The following KIF15 variants were observed in gnomAD, a reference collection of about 807,000 sequenced individuals.
KIF15 encodes the protein kinesin-like protein KIF15.
A neutral mutation model predicts 190.6 loss-of-function variants in KIF15; 140 were observed. That is an observed-to-expected ratio of 0.73 (90% CI 0.64 to 0.84). KIF15 has a LOEUF of 0.84. KIF15 is among the 40% of genes least tolerant of loss of function. The pLI, the probability that KIF15 is intolerant of heterozygous loss-of-function variation, is 0.00. For synonymous variants in KIF15, 528 were observed against 551.3 expected, an observed-to-expected ratio of 0.96 and a Z score of 0.59; for missense variants, 1,372 against 1,584.4, an observed-to-expected ratio of 0.87 and a Z score of 2.28.
chr3:44,865,924 C>T (rs1699316923), intron 6 of KIF15, among the ~76,000 whole-genome samples: 2 of 152,152 alleles, frequency 1.3e-5, no homozygotes, highest in Non-Finnish European at 2.9e-5. Flanking sequence ...CTTTGGAGAC[C>T]TTGTTTTACT....
At chr3:44,852,404 AAATTAAAACTT>A (rs1332819833) in intron 34 of KIF15, 65 bp downstream of exon 34, 146 of 1,458,604 alleles carry the variant, frequency 1.0e-4, no homozygotes, top group Non-Finnish European at 1.3e-4. Context: ...TATTGAAACC[AAATTAAAACTT>A]AATTATTGAA....
chr3:44,792,300 AC>A (rs1295044930), intron 7 of KIF15, among the ~76,000 whole-genome samples: 1 of 151,508 alleles, frequency 6.6e-6, no homozygotes, highest in African/African-American at 2.4e-5. Context: ...ACATGATGAA[AC>A]CCTGTCTCTA....
intron 7 of KIF15, among the ~76,000 whole-genome samples, chr3:44,788,280 T>G (rs1706508279): frequency 1.3e-5 from 2 of 152,246 alleles, no homozygotes; most frequent in South Asian, 4.1e-4. Context: ...TAAAGTTTTG[T>G]TTGATGCTTT....
intron 14 of KIF15, among the ~76,000 whole-genome samples, 181 bp from the exon 15 acceptor site, chr3:44,804,846 C>A (rs1707419301): frequency 6.6e-6 from 1 of 152,136 alleles, no homozygotes; most frequent in Non-Finnish European, 1.5e-5. Flanking sequence ...TGGTGGCATG[C>A]ACCTGTAGTC....
At chr3:44,836,703 G>T (rs949648865) in intron 26 of KIF15, among the ~76,000 whole-genome samples, 3 of 152,200 alleles carry the variant, frequency 2.0e-5, no homozygotes, top group Non-Finnish European at 2.9e-5. Flanking sequence ...TTCAGCCTAG[G>T]TCTGGTTGCT....
At chr3:44,854,623 A>T (rs1699165660), downstream of KIF15, among the ~76,000 whole-genome samples, 1 of 152,236 alleles carries the variant, frequency 6.6e-6, no homozygotes, top group Admixed American at 6.5e-5. Flanking sequence ...GATCACCTGT[A>T]TCAGCTGTAG....
chr3:44,772,620 G>C (rs4522810), intron 1 of KIF15, among the ~76,000 whole-genome samples: 1,657 of 152,218 alleles, frequency 0.011, 28 homozygotes, highest in African/African-American at 0.037. Context: ...CTTATTACCC[G>C]ACATTAGCCA....
intron 6 of KIF15, among the ~76,000 whole-genome samples, chr3:44,861,685 G>A (rs1174289233): frequency 6.6e-6 from 1 of 152,260 alleles, no homozygotes; most frequent in Non-Finnish European, 1.5e-5. Flanking sequence ...TTGGCCTCAG[G>A]CCTCGGGTCC....
At chr3:44,839,052 A>G (rs1380341994) in intron 27 of KIF15, among the ~76,000 whole-genome samples, 1 of 152,096 alleles carries the variant, frequency 6.6e-6, no homozygotes, top group East Asian at 1.9e-4. Flanking sequence ...GAACATTTTT[A>G]TAAGTATAAA....
chr3:44,864,614 C>T (rs1176527810), intron 6 of KIF15, among the ~76,000 whole-genome samples: 1 of 152,194 alleles, frequency 6.6e-6, no homozygotes, highest in Non-Finnish European at 1.5e-5. Flanking sequence ...TCTGAAGTCA[C>T]TGTGCATCCT....
chr3:44,797,893 G>A lies in KIF15; in HGVS notation c.1035G>A (p.Arg345=). 6.2e-7 allele frequency: 1 copy of A among 1,613,886 alleles called. No individual in the cohort carries two copies. The highest frequency in any genetic ancestry group is 8.5e-7 in the Non-Finnish European group (1 of 1,179,928). ...AIIANVHPGS[R]CFGETLSTLN... ...TTGCAAATGTTCATCCTGGATCCAGGTGTTTTGGGGAAACCCTATCAACAC... is the reference window on the plus strand; with the variant it reads ...TTGCAAATGTTCATCCTGGATCCAGATGTTTTGGGGAAACCCTATCAACAC... The change falls in exon 10 of 35, where the codon AGG becomes AGA. Residue 345 remains arginine (R), a synonymous_variant. Transcript: ENST00000326047.
At chr3:44,763,613 C>T (rs1487151310) in intron 1 of KIF15, among the ~76,000 whole-genome samples, 1 of 151,978 alleles carries the variant, frequency 6.6e-6, no homozygotes, top group African/African-American at 2.4e-5. Flanking sequence ...TGAAGGCTAT[C>T]TCTAGTGACA....
intron 1 of KIF15, among the ~76,000 whole-genome samples, chr3:44,767,140 A>G (rs551913226): frequency 6.6e-6 from 1 of 151,790 alleles, no homozygotes; most frequent in East Asian, 1.9e-4. Context: ...CACCAGTTTC[A>G]CTGGGGAGTG....
intron 14 of KIF15, 152 bp downstream of exon 14, chr3:44,803,143 T>G: frequency 3.7e-6 from 2 of 538,958 alleles, no homozygotes; most frequent in Non-Finnish European, 5.9e-6. Context: ...TAGAAAGGTA[T>G]TTACTAAACT....
intron 7 of KIF15, among the ~76,000 whole-genome samples, chr3:44,790,695 C>CA (rs1706647177): frequency 1.0e-5 from 1 of 97,972 alleles, no homozygotes. Flanking sequence ...TTTTCTGTTT[C>CA]TTTTTTTTTT....
intron 20 of KIF15, among the ~76,000 whole-genome samples, chr3:44,822,825 G>A (rs995078158): frequency 5.9e-5 from 9 of 152,158 alleles, no homozygotes; most frequent in South Asian, 2.1e-4. Flanking sequence ...CAGGTGTCAT[G>A]AAGTTCTCAT....
rs1337005186 is a variant in KIF15 at position 44,813,127 on chromosome 3, CA to C, written c.2331del (p.Gln778SerfsTer2). On this transcript the variant is annotated frameshift_variant, in exon 19 of 35. Transcript: ENST00000326047. LOFTEE classifies it high-confidence loss of function. ...ACCAAACAGCAGGAAGAGCTTCTCT[CA>C]CAGTTGAATGTCCTTGAAAAGCAGC... The part of the protein sequence containing the change: ...DWTKQQEELL[S>X]QLNVLEKQLQ... The C allele has an allele frequency of 1.2e-6, 2 of 1,600,978 alleles. No individual in the cohort carries two copies.
At chr3:44,852,522 T>G in intron 34 of KIF15, 151 bp from the exon 35 acceptor site, 1 of 801,328 alleles carries the variant, frequency 1.2e-6, no homozygotes, top group East Asian at 2.7e-5. Context: ...TGGCATTTCA[T>G]AGACAGCAGA....
At position 44,794,324 on chromosome 3, in the gene KIF15, A is replaced by G; in HGVS notation, c.747A>G (p.Lys249=). The G allele has an allele frequency of 2.5e-6, 4 of 1,614,016 alleles. No individual in the cohort carries two copies. Among genetic ancestry groups the G allele is most frequent in the Non-Finnish European group, 3.4e-6 (4 of 1,179,954 alleles). The stretch of plus-strand genomic sequence containing the variant: ...CAATTACAATAGAGTCAATGGAGAA[A>G]AGTAATGAGATTGTGAATATACGGA... ...VFTITIESME[K]SNEIVNIRTS... is the part of the protein sequence containing the mutation. Residue 249 remains lysine (K), a synonymous_variant, in exon 8 of 35, where the codon AAA becomes AAG. Transcript: ENST00000326047.
Sources: allele counts gnomAD v4.1 joint callset (sites outside exome capture counted in the v4.1 genomes callset), GRCh38; gene constraint gnomAD v4.1.1; transcripts MANE v1.5; gene names NCBI Gene and HGNC (gene_info 2026-07-23, HGNC 2026-07-21).